The following MLLT10 variants were observed in gnomAD, a reference collection of about 807,000 sequenced individuals.
MLLT10 encodes protein AF-10.
In MLLT10, 30 loss-of-function variants were observed where a neutral mutation model predicts 129.1. The observed-to-expected ratio is 0.23, with a 90% confidence interval of 0.17 to 0.32. The LOEUF is 0.32. Ranked by LOEUF, MLLT10 falls within the 10% of genes least tolerant of loss-of-function variation. MLLT10 has a pLI of 1.00. For synonymous variants in MLLT10, 490 were observed against 446.4 expected, an observed-to-expected ratio of 1.10 and a Z score of -1.23; for missense variants, 1,119 against 1,268.3, an observed-to-expected ratio of 0.88 and a Z score of 1.79.
intron 8 of MLLT10, among the ~76,000 whole-genome samples, chr10:21,630,855 G>A (rs1056257971): frequency 7.2e-5 from 11 of 152,186 alleles, no homozygotes; most frequent in African/African-American, 2.7e-4. Context: ...AGGAGAGTCT[G>A]AATGAAAGCC....
At chr10:21,609,638 C>G (rs1035745856) in intron 5 of MLLT10, among the ~76,000 whole-genome samples, 4 of 152,300 alleles carry the variant, frequency 2.6e-5, no homozygotes, top group Non-Finnish European at 2.9e-5. Context: ...CTAGTTCACT[C>G]TGTTAATCTT....
intron 8 of MLLT10, among the ~76,000 whole-genome samples, chr10:21,649,817 T>C (rs1260316923): frequency 6.6e-6 from 1 of 152,174 alleles, no homozygotes; most frequent in Non-Finnish European, 1.5e-5. Flanking sequence ...CACATCCTGT[T>C]GAGTAACACA....
At chr10:21,692,104 G>A (rs1044272002) in intron 13 of MLLT10, among the ~76,000 whole-genome samples, 3 of 151,758 alleles carry the variant, frequency 2.0e-5, no homozygotes, top group Non-Finnish European at 4.4e-5. Context: ...AACTTGGGAG[G>A]CAGAGGCTGC....
At chr10:21,642,896 G>C (rs1204177462) in intron 8 of MLLT10, among the ~76,000 whole-genome samples, 1 of 152,088 alleles carries the variant, frequency 6.6e-6, no homozygotes, top group African/African-American at 2.4e-5. Context: ...TTTATGTCTA[G>C]TCACTATTTG....
chr10:21,727,550 T>C (rs1399807711), intron 15 of MLLT10, among the ~76,000 whole-genome samples: 1 of 152,170 alleles, frequency 6.6e-6, no homozygotes, highest in Non-Finnish European at 1.5e-5. Context: ...CCGTAGAAAT[T>C]AAAAGTGGCT....
intron 8 of MLLT10, chr10:21,626,063 A>G: frequency 1.3e-6 from 2 of 1,505,784 alleles, no homozygotes; most frequent in Non-Finnish European, 9.2e-7. Context: ...CAAGGCCTTG[A>G]TCTTCACTTC....
At chr10:21,610,986 T>C (rs932845368) in intron 5 of MLLT10, among the ~76,000 whole-genome samples, 48 of 134,032 alleles carry the variant, frequency 3.6e-4, no homozygotes, top group Middle Eastern at 7.3e-3. Flanking sequence ...TTTTTTCTCT[T>C]TTTTTTTTTT....
chr10:21,554,391 C>A (rs1159795810), intron 3 of MLLT10, among the ~76,000 whole-genome samples: 1 of 151,796 alleles, frequency 6.6e-6, no homozygotes, highest in Non-Finnish European at 1.5e-5. Flanking sequence ...GAAAGTGATT[C>A]TCTCAGCCTT....
At chr10:21,717,930 T>TCTC (rs1277215732) in intron 14 of MLLT10, among the ~76,000 whole-genome samples, 2 of 138,344 alleles carry the variant, frequency 1.4e-5, no homozygotes, top group Non-Finnish European at 3.2e-5. Context: ...TCCTTCTTCT[T>TCTC]CTCCTTCTTT....
At chr10:21,649,220 T>C (rs2048790634) in intron 8 of MLLT10, among the ~76,000 whole-genome samples, 1 of 152,178 alleles carries the variant, frequency 6.6e-6, no homozygotes, top group East Asian at 1.9e-4. Flanking sequence ...GGACCACAGG[T>C]TTACACCACC....
chr10:21,643,342 T>G (rs1281952226), intron 8 of MLLT10, among the ~76,000 whole-genome samples: 1 of 152,210 alleles, frequency 6.6e-6, no homozygotes, highest in Non-Finnish European at 1.5e-5. Context: ...CAGGGTTGTT[T>G]GTTTTTGAAG....
At chr10:21,703,839 C>G (rs764066159) in intron 13 of MLLT10, among the ~76,000 whole-genome samples, 1 of 151,682 alleles carries the variant, frequency 6.6e-6, no homozygotes, top group Non-Finnish European at 1.5e-5. Flanking sequence ...CCATCGCACC[C>G]GGCCCAGACC....
At chr10:21,724,874 GGCC>G in intron 14 of MLLT10, among the ~76,000 whole-genome samples, 1 of 152,222 alleles carries the variant, frequency 6.6e-6, no homozygotes, top group Admixed American at 6.5e-5. Context: ...GTCCCAGTGA[GGCC>G]TTCAGAATTG....
At chr10:21,734,217 C>T (rs1206480353) in intron 20 of MLLT10, 88 bp downstream of exon 20, 1 of 1,463,708 alleles carries the variant, frequency 6.8e-7, no homozygotes, top group African/African-American at 1.4e-5. Flanking sequence ...CAATGTGTTC[C>T]TTTGTAGATA....
intron 14 of MLLT10, among the ~76,000 whole-genome samples, chr10:21,719,699 T>C (rs1041982599): frequency 1.3e-5 from 2 of 152,146 alleles, no homozygotes; most frequent in Non-Finnish European, 2.9e-5. Context: ...AGCCTCAATG[T>C]TTCCATATGT....
chr10:21,712,203 CATTT>C (rs60779896), intron 13 of MLLT10, among the ~76,000 whole-genome samples: 31 of 150,242 alleles, frequency 2.1e-4, no homozygotes, highest in African/African-American at 7.6e-4. Flanking sequence ...TCAATAACTT[CATTT>C]ATTTATTTAT....
intron 4 of MLLT10, among the ~76,000 whole-genome samples, chr10:21,586,731 A>G (rs1417898266): frequency 1.3e-5 from 2 of 152,066 alleles, no homozygotes; most frequent in African/African-American, 4.8e-5. Flanking sequence ...TACTAAAAAT[A>G]GAAAAATTAG....
intron 4 of MLLT10, among the ~76,000 whole-genome samples, chr10:21,590,706 C>G (rs573877214): frequency 2.2e-4 from 33 of 152,240 alleles, no homozygotes; most frequent in African/African-American, 7.9e-4. Flanking sequence ...CGTTGTTATT[C>G]CTGATGTTGG....
chr10:21,588,749 CATCTTTTTAT>C (rs1253273569), intron 4 of MLLT10, among the ~76,000 whole-genome samples: 2 of 151,776 alleles, frequency 1.3e-5, no homozygotes, highest in African/African-American at 4.8e-5. Flanking sequence ...GTGAGGTTCA[CATCTTTTTAT>C]AGTTTGAAGA....
Sources: gnomAD v4.1 joint callset for allele counts (sites outside exome capture counted in the v4.1 genomes callset) on GRCh38, gnomAD v4.1.1 for gene constraint, MANE v1.5 for transcripts, NCBI Gene and HGNC (gene_info 2026-07-23, HGNC 2026-07-21) for gene names.